Variants in AMMECR1 observed in about 807,000 individuals in gnomAD.
AMMECR1 encodes AMMECR nuclear protein 1.
AMMECR1 carries 3 observed loss-of-function variants against 22.5 expected under a neutral mutation model. The ratio of observed to expected loss-of-function variants is 0.13; its 90% confidence interval spans 0.06 to 0.35. AMMECR1 has a LOEUF of 0.35. Ranked by LOEUF, AMMECR1 falls within the 10% of genes least tolerant of loss-of-function variation. The pLI is 1.00. For missense variants in AMMECR1, 235 were observed against 278.7 expected (o/e 0.84, Z 1.12); for synonymous variants, 130 against 116.7 (o/e 1.11, Z -0.74).
At chrX:110,396,651 C>T (rs1045696957) in intron 2 of AMMECR1, among the ~76,000 whole-genome samples, 1 of 112,148 alleles carries the variant, frequency 8.9e-6, no homozygotes, top group Non-Finnish European at 1.9e-5. Context: ...AGATTCCCCT[C>T]TCCCTGTTTT....
rs112847985 is a variant in AMMECR1 at position 110,194,792 on chromosome X, A to C, written c.*3728T>G. 0.059 allele frequency: 6,569 copies of C among 111,609 alleles called. 487 individuals are homozygous for C. The highest frequency in any genetic ancestry group is 0.2 in the African/African-American group (6,258 of 30,543). 9.2% of individuals were successfully genotyped at this position (111,609 alleles called of 1,213,427 possible). On this transcript the variant is annotated 3_prime_UTR_variant, in exon 6 of 6. Coordinates refer to ENST00000262844, the MANE Select transcript of AMMECR1 (RefSeq NM_015365.3). ...GCAATAAAAAACAAGGAAAACATAT[A>C]TTTGTATATAAAGGATCAATGCTGG...
chrX:110,195,860 A>G lies in AMMECR1; in HGVS notation c.*2660T>C, dbSNP rs955924527. 8.9e-6 allele frequency: 1 copy of G among 112,305 alleles called. No homozygotes were observed. The highest frequency in any genetic ancestry group is 3.2e-5 in the African/African-American group (1 of 30,878). The allele number at this position is 112,305 out of a possible 1,213,427, so 9.3% of individuals were successfully genotyped here. ...TTTGAAGCACACCATTACAGTTTGT[A>G]TAACACCCTTTACACTACAAAGTCT... On this transcript the variant is annotated 3_prime_UTR_variant, in exon 6 of 6. Transcript: ENST00000262844.
chrX:110,202,964 T>G (rs767154270), intron 3 of AMMECR1, among the ~76,000 whole-genome samples: 1 of 111,949 alleles, frequency 8.9e-6, no homozygotes, highest in African/African-American at 3.2e-5. Flanking sequence ...GTTCCAAAAT[T>G]TTTGGTGCTG....
intron 1 of AMMECR1, among the ~76,000 whole-genome samples, chrX:110,265,336 G>A (rs1054781174): frequency 9.0e-6 from 1 of 111,636 alleles, no homozygotes; most frequent in Non-Finnish European, 1.9e-5. Flanking sequence ...GAGGTGAAGG[G>A]CAACAGCAGA....
At chrX:110,381,164 A>C (rs1342889832) in intron 2 of AMMECR1, among the ~76,000 whole-genome samples, 1 of 112,257 alleles carries the variant, frequency 8.9e-6, no homozygotes, top group Non-Finnish European at 1.9e-5. Context: ...GAACTGGATA[A>C]AATATTCATA....
intron 2 of AMMECR1, among the ~76,000 whole-genome samples, chrX:110,406,565 A>T (rs1401651907): frequency 8.9e-6 from 1 of 112,130 alleles, no homozygotes; most frequent in Non-Finnish European, 1.9e-5. Context: ...CGCAATAAAC[A>T]TAGGTGGGCA....
At chrX:110,426,278 T>C (rs148377778) in intron 2 of AMMECR1, among the ~76,000 whole-genome samples, 3,217 of 112,047 alleles carry the variant, frequency 0.029, 111 homozygotes, top group African/African-American at 0.099. Flanking sequence ...AGCTAACTCT[T>C]CTTCCATCTA....
At chrX:110,379,012 C>T (rs1438270327) in intron 2 of AMMECR1, among the ~76,000 whole-genome samples, 2 of 112,072 alleles carry the variant, frequency 1.8e-5, no homozygotes, top group South Asian at 3.8e-4. Flanking sequence ...CTCCATGGGG[C>T]CTGCTCACTC....
intron 2 of AMMECR1, among the ~76,000 whole-genome samples, chrX:110,241,339 A>G (rs963979647): frequency 3.6e-5 from 4 of 111,931 alleles, no homozygotes; most frequent in African/African-American, 1.3e-4. Context: ...ACCGCTAGCC[A>G]GACTAATAAA....
rs773393480 is a variant in AMMECR1, at chrX:110,371,132, C to T, written c.-147-53283G>A. ...ATTTTTTAGAGCAGTTTTAGGTTAA[C>T]AGCAAAATTGAGAGGAACATACAGA... On this transcript the variant is annotated intron_variant, in intron 2 of 7. Transcript: ENST00000372057. 5.4e-5 allele frequency among the ~76,000 whole-genome samples: 6 copies of T among 111,413 alleles called. No individual in the cohort carries two copies. In the South Asian group the frequency reaches 2.4e-3, roughly 44 times the overall value.
intron 2 of AMMECR1, among the ~76,000 whole-genome samples, chrX:110,408,860 C>T (rs944106511): frequency 7.1e-5 from 8 of 112,469 alleles, no homozygotes; most frequent in African/African-American, 2.6e-4. Flanking sequence ...TTTATTTTCT[C>T]TTTATGTGGC....
chrX:110,384,914 T>C (rs1401929363), intron 2 of AMMECR1, among the ~76,000 whole-genome samples: 1 of 110,832 alleles, frequency 9.0e-6, no homozygotes, highest in Non-Finnish European at 1.9e-5. Context: ...CCTCTTCCCT[T>C]TGTTTGGTTT....
intron 2 of AMMECR1, among the ~76,000 whole-genome samples, chrX:110,367,607 A>G (rs1409848210): frequency 1.8e-5 from 2 of 110,930 alleles, no homozygotes; most frequent in East Asian, 5.6e-4. Flanking sequence ...CTTCATTTTC[A>G]TGATAACTAG....
chrX:110,279,111 A>T (rs763319623), intron 1 of AMMECR1, among the ~76,000 whole-genome samples: 18 of 112,191 alleles, frequency 1.6e-4, no homozygotes, highest in Non-Finnish European at 3.2e-4. Flanking sequence ...CCAGCTAAAG[A>T]TGAAGATATC....
At chrX:110,248,306 A>G (rs1380811949) in intron 2 of AMMECR1, among the ~76,000 whole-genome samples, 1 of 110,790 alleles carries the variant, frequency 9.0e-6, no homozygotes, top group Non-Finnish European at 1.9e-5. Flanking sequence ...GAATTCCTTG[A>G]GCCTGGGAGG....
chrX:110,325,664 T>A (rs2068095006), intron 2 of AMMECR1, among the ~76,000 whole-genome samples: 3 of 112,406 alleles, frequency 2.7e-5, no homozygotes, highest in African/African-American at 9.7e-5. Flanking sequence ...TTTTAGTAAT[T>A]TCAGTCTTTT....
At chrX:110,293,839 G>A (rs1000137405) in intron 1 of AMMECR1, among the ~76,000 whole-genome samples, 2 of 111,215 alleles carry the variant, frequency 1.8e-5, no homozygotes, top group African/African-American at 6.5e-5. Context: ...AGACACCTTA[G>A]CTAAAATCTC....
chrX:110,285,596 A>T (rs1326129157), intron 1 of AMMECR1, among the ~76,000 whole-genome samples: 1 of 111,263 alleles, frequency 9.0e-6, no homozygotes, highest in Non-Finnish European at 1.9e-5. Flanking sequence ...ATCTTGAAAA[A>T]CTCAAACTCT....
Position 110,278,526 on chromosome X carries a change from C to T in AMMECR1, c.474-13927G>A, listed in dbSNP as rs940159431. ...ACTTATAAAGCAGACTTCTCACTTTCCACGTCTCTTTAGGCAATCCTATAT... is the reference window on the plus strand; with the variant it reads ...ACTTATAAAGCAGACTTCTCACTTTTCACGTCTCTTTAGGCAATCCTATAT... On this transcript the variant is annotated intron_variant, in intron 1 of 5. Transcript: ENST00000262844. Among the ~76,000 whole-genome samples, 10 of 111,773 alleles carry T rather than the reference C, an allele frequency of 8.9e-5. No homozygotes were observed. In the Admixed American group the frequency reaches 9.5e-4, roughly 11 times the overall value.
Sources: allele counts gnomAD v4.1 joint callset (sites outside exome capture counted in the v4.1 genomes callset), GRCh38; gene constraint gnomAD v4.1.1; transcripts MANE v1.5; gene names NCBI Gene and HGNC (gene_info 2026-07-23, HGNC 2026-07-21).